Variants in FGF12 observed in about 807,000 individuals in gnomAD.
FGF12 encodes the protein fibroblast growth factor 12B.
FGF12 carries 14 observed loss-of-function variants against 23.6 expected under a neutral mutation model. The ratio of observed to expected loss-of-function variants is 0.59; its 90% CI spans 0.39 to 0.93. The LOEUF is 0.93. Ranked by LOEUF, FGF12 falls within the 40% of genes least tolerant of loss-of-function variation. The pLI is 0.00. For missense variants in FGF12, 175 were observed against 217.8 expected (o/e 0.80, Z 1.24); for synonymous variants, 62 against 77.3 (o/e 0.80, Z 1.04).
At chr3:192,233,851 T>C (rs986013706) in intron 4 of FGF12, among the ~76,000 whole-genome samples, 5 of 152,118 alleles carry the variant, frequency 3.3e-5, no homozygotes, top group African/African-American at 1.2e-4. Context: ...GATCACATGG[T>C]TGTAGGTGTA....
intron 2 of FGF12, among the ~76,000 whole-genome samples, chr3:192,404,314 G>A (rs900271876): frequency 6.6e-5 from 10 of 152,084 alleles, no homozygotes; most frequent in Non-Finnish European, 1.5e-4. Flanking sequence ...GAGTAATATT[G>A]ATGACCTCCA....
chr3:192,400,369 C>CTTTTT (rs5855423), intron 2 of FGF12, among the ~76,000 whole-genome samples: 7 of 130,784 alleles, frequency 5.4e-5, no homozygotes, highest in Non-Finnish European at 4.8e-5. Context: ...ACATTCTTTT[C>CTTTTT]TTTTTTTTTT....
At chr3:192,481,213 C>T (rs1304125981) in intron 2 of FGF12, among the ~76,000 whole-genome samples, 1 of 151,856 alleles carries the variant, frequency 6.6e-6, no homozygotes, top group African/African-American at 2.4e-5. Context: ...CAGCATTCTT[C>T]AAAATACATT....
At chr3:192,223,579 T>C (rs757790783) in intron 4 of FGF12, among the ~76,000 whole-genome samples, 79 of 152,280 alleles carry the variant, frequency 5.2e-4, no homozygotes, top group Non-Finnish European at 8.5e-4. Context: ...CTGGTATATT[T>C]CCAGTTTATG....
rs1560102781 is a variant in FGF12, at chr3:192,408,897, CGCGCCG to C, written c.14-48365_14-48360del. On this transcript the variant is annotated intron_variant, in intron 2 of 5. Coordinates refer to ENST00000445105, the MANE Select transcript of FGF12 (RefSeq NM_004113.6). The surrounding 1 kb of genome is among the most constrained non-coding windows in gnomAD (Gnocchi z 7.3). ...GCAGGGTGAGGTCTACAGAATGCAT[CGCGCCG>C]GCTGCGGCTTTCCAGGGGCCGGCCA... is the stretch of plus-strand genomic sequence containing the variant. 2 of 985,246 alleles carry C rather than the reference CGCGCCG, an allele frequency of 2.0e-6. No homozygotes were observed. The highest frequency in any genetic ancestry group is 6.2e-5 in the Admixed American group (1 of 16,258). 61.0% of individuals were successfully genotyped at this position (985,246 alleles called of 1,614,324 possible).
chr3:192,519,977 A>G (rs1334245128), intron 2 of FGF12, among the ~76,000 whole-genome samples: 1 of 152,134 alleles, frequency 6.6e-6, no homozygotes, highest in African/African-American at 2.4e-5. Context: ...TAATGTTCCA[A>G]GTTTATTTTG....
intron 3 of FGF12, among the ~76,000 whole-genome samples, chr3:192,338,608 A>C (rs1717535368): frequency 6.6e-6 from 1 of 152,108 alleles, no homozygotes; most frequent in Non-Finnish European, 1.5e-5. Flanking sequence ...TCTCAAACCA[A>C]AAAAACAAGG....
chr3:192,510,059 A>G (rs1028087174), intron 2 of FGF12, among the ~76,000 whole-genome samples: 1 of 152,168 alleles, frequency 6.6e-6, no homozygotes, highest in Non-Finnish European at 1.5e-5. Flanking sequence ...AGGCTAAGGG[A>G]GTAACCACTG....
intron 3 of FGF12, among the ~76,000 whole-genome samples, chr3:192,338,414 C>T (rs1157358056): frequency 6.6e-6 from 1 of 152,156 alleles, no homozygotes; most frequent in Non-Finnish European, 1.5e-5. Context: ...TTCAGCTACA[C>T]CTTCTAACAT....
intron 2 of FGF12, among the ~76,000 whole-genome samples, chr3:192,377,733 C>T (rs2108749689): frequency 6.6e-6 from 1 of 152,218 alleles, no homozygotes; most frequent in Non-Finnish European, 1.5e-5. Context: ...TCTCCCAGGG[C>T]CAGACACTAT....
chr3:192,435,792 T>C (rs1169339773), intron 2 of FGF12, among the ~76,000 whole-genome samples: 1 of 152,232 alleles, frequency 6.6e-6, no homozygotes, highest in Middle Eastern at 3.2e-3. Flanking sequence ...GAGGATACAA[T>C]CTGCTTCTGT....
rs1560175558 is a variant in FGF12, at chr3:192,167,751, AT to A, written c.427+2706del. 1.2e-3 allele frequency among the ~76,000 whole-genome samples: 33 copies of A among 26,736 alleles called. 3 individuals are homozygous for A. In the South Asian group the frequency reaches 0.019, roughly 16 times the overall value. The allele number at this position is 26,736 out of a possible 152,430, so 17.5% of individuals were successfully genotyped here. On this transcript the variant is annotated intron_variant, in intron 5 of 5. Coordinates refer to ENST00000445105, the MANE Select transcript of FGF12 (RefSeq NM_004113.6). ...TATAGGTATATATATATATATATAT[AT>A]ATATATATATATATATAAAATTTTT...
At chr3:192,253,498 C>A (rs1407270308) in intron 4 of FGF12, among the ~76,000 whole-genome samples, 1 of 151,856 alleles carries the variant, frequency 6.6e-6, no homozygotes, top group African/African-American at 2.4e-5. Context: ...ATTAATTTAG[C>A]TTTAGTTAAC....
At chr3:192,661,408 C>A (rs765003094) in intron 2 of FGF12, among the ~76,000 whole-genome samples, 7 of 152,118 alleles carry the variant, frequency 4.6e-5, no homozygotes, top group Non-Finnish European at 7.4e-5. Flanking sequence ...TAAAAATAAT[C>A]CCAGCTACTT....
At chr3:192,616,956 A>C (rs1364972214) in intron 2 of FGF12, among the ~76,000 whole-genome samples, 1 of 152,074 alleles carries the variant, frequency 6.6e-6, no homozygotes, top group Non-Finnish European at 1.5e-5. Context: ...GGACACAGGC[A>C]TAAAAATGAC....
At chr3:192,586,628 G>A (rs549100875) in intron 2 of FGF12, among the ~76,000 whole-genome samples, 1 of 152,260 alleles carries the variant, frequency 6.6e-6, no homozygotes, top group African/African-American at 2.4e-5. Flanking sequence ...ATATAACTTT[G>A]CCTGAACTGG....
intron 4 of FGF12, among the ~76,000 whole-genome samples, chr3:192,334,796 A>G (rs1412999902): frequency 1.3e-5 from 2 of 152,296 alleles, no homozygotes; most frequent in East Asian, 3.9e-4. Flanking sequence ...AGTAAATGAA[A>G]TGCAAATAAA....
chr3:192,714,736 T>C (rs1362269801), intron 2 of FGF12, among the ~76,000 whole-genome samples: 1 of 152,088 alleles, frequency 6.6e-6, no homozygotes, highest in Non-Finnish European at 1.5e-5. Flanking sequence ...GCCGGGATGG[T>C]CTCGATCTCC....
chr3:192,691,184 A>G (rs2108719962), intron 2 of FGF12, among the ~76,000 whole-genome samples: 1 of 152,238 alleles, frequency 6.6e-6, no homozygotes, highest in Non-Finnish European at 1.5e-5. Context: ...AGTACAAATG[A>G]GCCTAACAGC....
Sources: allele counts gnomAD v4.1 joint callset (sites outside exome capture counted in the v4.1 genomes callset), GRCh38; gene constraint gnomAD v4.1.1; non-coding constraint Gnocchi (gnomAD v3.1); transcripts MANE v1.5; gene names NCBI Gene and HGNC (gene_info 2026-07-23, HGNC 2026-07-21).